Variants in THRB observed in about 807,000 individuals in gnomAD.
The protein encoded by THRB is nuclear receptor subfamily 1 group A member 2.
THRB carries 12 observed loss-of-function variants against 47.8 expected under a neutral mutation model. That is an observed-to-expected ratio of 0.25 (90% confidence interval 0.16 to 0.41). The LOEUF is 0.41. Ranked by LOEUF, THRB falls within the 10% of genes least tolerant of loss-of-function variation. THRB has a pLI of 1.00. For missense variants in THRB, 348 were observed against 589.2 expected (o/e 0.59, Z 4.24); for synonymous variants, 218 against 212.2 (o/e 1.03, Z -0.24).
chr3:24,266,522 A>C (rs2052665185), intron 3 of THRB, among the ~76,000 whole-genome samples: 1 of 152,202 alleles, frequency 6.6e-6, no homozygotes, highest in Non-Finnish European at 1.5e-5. Context: ...GTGTACAGTC[A>C]TGAAACCTTG....
chr3:24,127,878 T>G, intron 9 of THRB, 121 bp from the exon 10 acceptor site: 9 of 1,183,108 alleles, frequency 7.6e-6, no homozygotes, highest in Non-Finnish European at 1.1e-5. Context: ...CCTGCATTCT[T>G]TGAGCCCATG....
chr3:24,465,864 T>G (rs1472296225), intron 1 of THRB, among the ~76,000 whole-genome samples: 1 of 152,192 alleles, frequency 6.6e-6, no homozygotes, highest in Non-Finnish European at 1.5e-5. Context: ...TTTATTAAAT[T>G]TATACTTTCA....
rs562647704 is a variant in THRB at position 24,336,068 on chromosome 3, A to G, written c.-189+1232T>C. Among the ~76,000 whole-genome samples, 47 of 152,358 alleles carry G rather than the reference A, an allele frequency of 3.1e-4. No individual in the cohort carries two copies. In the South Asian group the frequency reaches 7.0e-3, roughly 23 times the overall value. The stretch of plus-strand genomic sequence containing the variant: ...AGGAGAGGGCTATTTGTAAAGATGA[A>G]AAACACTTAGAGAACCATAGGTCTT... On this transcript the variant is annotated intron_variant, in intron 2 of 10. Transcript: ENST00000646209.
At chr3:24,142,083 G>A (rs2035519170) in intron 8 of THRB, among the ~76,000 whole-genome samples, 1 of 152,210 alleles carries the variant, frequency 6.6e-6, no homozygotes, top group Non-Finnish European at 1.5e-5. Context: ...TTGTGCAGGT[G>A]CCAAGATTGC....
At chr3:24,357,423 T>G (rs1414562620) in intron 1 of THRB, among the ~76,000 whole-genome samples, 2 of 104,644 alleles carry the variant, frequency 1.9e-5, no homozygotes, top group Admixed American at 9.7e-5. Flanking sequence ...ACCATTTGAA[T>G]AGAAATAAAA....
In THRB at chr3:24,122,781, A is replaced by T. The variant is rs1326816967; in HGVS notation, c.*103T>A. 1.3e-6 allele frequency: 2 copies of T among 1,551,536 alleles called. No homozygotes were observed. The highest frequency in any genetic ancestry group is 4.5e-5 in the East Asian group (2 of 44,514). ...GGACTACTTCCCTTTTCCCTCCCAAATAATCCCTCCCAACACAAAGAAACA... is the reference window on the plus strand; with the variant it reads ...GGACTACTTCCCTTTTCCCTCCCAATTAATCCCTCCCAACACAAAGAAACA... On this transcript the variant is annotated 3_prime_UTR_variant, in exon 11 of 11. Transcript: ENST00000646209.
chr3:24,147,674 C>A (rs1466199577), intron 6 of THRB, among the ~76,000 whole-genome samples: 1 of 152,164 alleles, frequency 6.6e-6, no homozygotes, highest in Non-Finnish European at 1.5e-5. Flanking sequence ...CAAGTTGAGG[C>A]AACTGTCATC....
At chr3:24,217,393 C>A (rs184570421) in intron 4 of THRB, among the ~76,000 whole-genome samples, 2 of 152,112 alleles carry the variant, frequency 1.3e-5, no homozygotes, top group Admixed American at 6.5e-5. Flanking sequence ...ATCATTTCAT[C>A]CTGCTCATTG....
intron 2 of THRB, among the ~76,000 whole-genome samples, chr3:24,332,647 A>G (rs2061997127): frequency 6.6e-6 from 1 of 152,238 alleles, no homozygotes. Flanking sequence ...ACAAACAGAG[A>G]ATAAAAATAA....
At chr3:24,339,526 G>A (rs1032530062) in intron 1 of THRB, among the ~76,000 whole-genome samples, 3 of 152,172 alleles carry the variant, frequency 2.0e-5, no homozygotes, top group Admixed American at 6.5e-5. Context: ...ACAGATTTAG[G>A]TTTTAAAGAT....
At chr3:24,254,811 T>G (rs1460741080) in intron 3 of THRB, among the ~76,000 whole-genome samples, 1 of 152,218 alleles carries the variant, frequency 6.6e-6, no homozygotes, top group Non-Finnish European at 1.5e-5. Context: ...CCATTTTTAT[T>G]TTCCTATGAC....
chr3:24,323,861 T>A (rs1000376706), intron 2 of THRB, among the ~76,000 whole-genome samples: 1 of 152,212 alleles, frequency 6.6e-6, no homozygotes, highest in African/African-American at 2.4e-5. Flanking sequence ...TTCTTTCAAA[T>A]GTTTGAAATG....
At position 24,432,716 on chromosome 3, in the gene THRB, A is replaced by T. The variant is rs530292202; in HGVS notation, c.-261+61936T>A. 1.5e-4 allele frequency among the ~76,000 whole-genome samples: 23 copies of T among 152,226 alleles called. No homozygotes were observed. In the East Asian group the frequency reaches 1.5e-3, roughly 10 times the overall value. On this transcript the variant is annotated intron_variant, in intron 1 of 10. Transcript: ENST00000646209. ...AAAAGAAATGCTGTGAAATTTTTTT[A>T]AAATTTTAGCTTTATACTGCATATA...
chr3:24,176,409 T>G (rs1029566949), intron 5 of THRB, among the ~76,000 whole-genome samples: 1 of 152,166 alleles, frequency 6.6e-6, no homozygotes, highest in Non-Finnish European at 1.5e-5. Context: ...ATGTCAGAGA[T>G]TAATTTTAAA....
At chr3:24,314,316 A>G (rs528277682) in intron 2 of THRB, among the ~76,000 whole-genome samples, 39 of 152,326 alleles carry the variant, frequency 2.6e-4, no homozygotes, top group Non-Finnish European at 3.5e-4. Flanking sequence ...CCTTAGGAAA[A>G]GCCTAGTTCC....
chr3:24,125,218 C>T (rs2032514791), intron 10 of THRB, among the ~76,000 whole-genome samples: 1 of 152,136 alleles, frequency 6.6e-6, no homozygotes, highest in Admixed American at 6.5e-5. Context: ...TGGCAAAAGC[C>T]TTTGTTACTT....
intron 1 of THRB, among the ~76,000 whole-genome samples, chr3:24,356,443 T>C (rs955671736): frequency 5.3e-5 from 8 of 152,158 alleles, no homozygotes; most frequent in African/African-American, 1.9e-4. Flanking sequence ...CACAGCCAAA[T>C]AGTTCTATGG....
chr3:24,187,129 T>C (rs2042695317), intron 5 of THRB, among the ~76,000 whole-genome samples: 1 of 152,144 alleles, frequency 6.6e-6, no homozygotes, highest in South Asian at 2.1e-4. Context: ...GACTTTTACA[T>C]AGTTCAAACC....
chr3:24,202,460 T>G (rs1014227824), intron 4 of THRB, among the ~76,000 whole-genome samples: 3 of 152,174 alleles, frequency 2.0e-5, no homozygotes, highest in Non-Finnish European at 4.4e-5. Context: ...CTGTTTCCCA[T>G]ACTGGTTGCT....
Sources: allele counts gnomAD v4.1 joint callset (sites outside exome capture counted in the v4.1 genomes callset), GRCh38; gene constraint gnomAD v4.1.1; transcripts MANE v1.5; gene names NCBI Gene and HGNC (gene_info 2026-07-23, HGNC 2026-07-21).